Variants in AGBL4 observed in about 807,000 individuals in gnomAD.
AGBL4 encodes cytosolic carboxypeptidase 6.
AGBL4 carries 58 observed loss-of-function variants against 66.4 expected under a neutral mutation model. That is an observed-to-expected ratio of 0.87 (90% CI 0.71 to 1.09). AGBL4 has a LOEUF of 1.09. Among genes scored for constraint, AGBL4 ranks in the 50% least tolerant of loss-of-function variants. The probability of loss-of-function intolerance (pLI) is 0.00; values close to 1 mark genes in which losing one functional copy is unlikely to be tolerated. For missense variants in AGBL4, 579 were observed against 631.0 expected (o/e 0.92, Z 0.88); for synonymous variants, 234 against 222.9 (o/e 1.05, Z -0.44).
intron 5 of AGBL4, among the ~76,000 whole-genome samples, chr1:49,034,238 A>T (rs1429323491): frequency 6.6e-6 from 1 of 152,130 alleles, no homozygotes; most frequent in Non-Finnish European, 1.5e-5. Context: ...TATCTTGTTT[A>T]TTTCTAAATC....
At chr1:49,383,102 G>A (rs997807617) in intron 3 of AGBL4, among the ~76,000 whole-genome samples, 1 of 152,110 alleles carries the variant, frequency 6.6e-6, no homozygotes, top group Non-Finnish European at 1.5e-5. Flanking sequence ...AGAGGCAAAA[G>A]ATGTGTATAC....
At chr1:49,536,467 C>T (rs576045243) in intron 3 of AGBL4, among the ~76,000 whole-genome samples, 48 of 152,040 alleles carry the variant, frequency 3.2e-4, no homozygotes, top group Non-Finnish European at 4.4e-4. Flanking sequence ...AAATTAGTAA[C>T]ATTAGCTTTA....
intron 4 of AGBL4, among the ~76,000 whole-genome samples, chr1:49,109,343 G>A (rs1645360896): frequency 6.6e-6 from 1 of 152,252 alleles, no homozygotes; most frequent in East Asian, 1.9e-4. Flanking sequence ...GGCTGTTAGG[G>A]CTCTTCTCAC....
intron 6 of AGBL4, among the ~76,000 whole-genome samples, chr1:48,865,555 T>C (rs929888512): frequency 5.3e-5 from 8 of 151,492 alleles, no homozygotes; most frequent in Admixed American, 1.3e-4. Flanking sequence ...GCAGTGCTGA[T>C]TTTTTTTTCA....
At chr1:49,265,749 T>C (rs1457264267) in intron 3 of AGBL4, among the ~76,000 whole-genome samples, 1 of 152,160 alleles carries the variant, frequency 6.6e-6, no homozygotes, top group Non-Finnish European at 1.5e-5. Flanking sequence ...CATGAACCTA[T>C]ACAACTATAT....
At chr1:49,962,668 GT>G (rs1392259648) in intron 1 of AGBL4, among the ~76,000 whole-genome samples, 7 of 152,100 alleles carry the variant, frequency 4.6e-5, no homozygotes, top group Non-Finnish European at 8.8e-5. Flanking sequence ...AAGACAAATA[GT>G]TTTTGCCTCA....
At chr1:49,682,222 A>C (rs1646708628) in intron 3 of AGBL4, among the ~76,000 whole-genome samples, 1 of 152,156 alleles carries the variant, frequency 6.6e-6, no homozygotes, top group African/African-American at 2.4e-5. Flanking sequence ...CCTGGCCAAC[A>C]TGGTGAAACC....
intron 3 of AGBL4, among the ~76,000 whole-genome samples, chr1:49,402,359 T>C (rs1286815012): frequency 6.6e-6 from 1 of 152,186 alleles, no homozygotes; most frequent in Non-Finnish European, 1.5e-5. Flanking sequence ...ATCCCCTAAG[T>C]TTTGGTATAC....
intron 6 of AGBL4, among the ~76,000 whole-genome samples, chr1:48,738,967 ACAAT>A (rs1269560817): frequency 6.6e-6 from 1 of 152,244 alleles, no homozygotes; most frequent in African/African-American, 2.4e-5. Context: ...CCTAAGGTAC[ACAAT>A]CAGTCAATTT....
intron 4 of AGBL4, among the ~76,000 whole-genome samples, chr1:49,107,970 A>C (rs1645331367): frequency 6.6e-6 from 1 of 152,126 alleles, no homozygotes; most frequent in African/African-American, 2.4e-5. Context: ...TTTTACTTGA[A>C]TCTTTGACAA....
intron 6 of AGBL4, among the ~76,000 whole-genome samples, chr1:48,666,283 C>T (rs1557865146): frequency 6.6e-6 from 1 of 152,076 alleles, no homozygotes; most frequent in Non-Finnish European, 1.5e-5. Context: ...TAAACATATT[C>T]TTGGTGGAGG....
In AGBL4 at chr1:48,990,915, C is replaced by T. The variant is rs953480524; in HGVS notation, c.594+54669G>A. ...CCCACTTTTTTGTTTCTATTTATATCTTATTATATATGTCTTGAAAAGTTG... is the reference window on the plus strand; with the variant it reads ...CCCACTTTTTTGTTTCTATTTATATTTTATTATATATGTCTTGAAAAGTTG... On this transcript the variant is annotated intron_variant, in intron 5 of 13. Transcript: ENST00000371839. Among the ~76,000 whole-genome samples, 3 of 152,136 alleles carry T rather than the reference C, an allele frequency of 2.0e-5. No homozygotes were observed. In the East Asian group the frequency reaches 5.8e-4, roughly 29 times the overall value.
chr1:49,120,992 C>T (rs199556513), intron 4 of AGBL4, among the ~76,000 whole-genome samples: 5 of 152,120 alleles, frequency 3.3e-5, no homozygotes, highest in Non-Finnish European at 5.9e-5. Flanking sequence ...TCCACTTGAT[C>T]GAATGGGCTA....
Position 48,834,462 on chromosome 1 carries a change from T to C in AGBL4, c.634+32729A>G, listed in dbSNP as rs182783351. Among the ~76,000 whole-genome samples, 40 of 152,176 alleles carry C rather than the reference T, an allele frequency of 2.6e-4. 1 individual carries two copies. In the East Asian group the frequency reaches 5.0e-3, roughly 19 times the overall value. ...TTTGAAGCCCTAACTTTCAATATGATAGTATGTGGAGGTAAGGCCTTTGGG... is the reference window on the plus strand; with the variant it reads ...TTTGAAGCCCTAACTTTCAATATGACAGTATGTGGAGGTAAGGCCTTTGGG... On this transcript the variant is annotated intron_variant, in intron 6 of 13. Coordinates refer to ENST00000371839, the MANE Select transcript of AGBL4 (RefSeq NM_032785.4).
chr1:49,611,643 C>G (rs1645157494), intron 3 of AGBL4, among the ~76,000 whole-genome samples: 1 of 152,112 alleles, frequency 6.6e-6, no homozygotes, highest in African/African-American at 2.4e-5. Flanking sequence ...TCCCAAAGTA[C>G]TGGGATTACA....
At chr1:50,010,327 T>C (rs1661437905) in intron 1 of AGBL4, among the ~76,000 whole-genome samples, 1 of 151,840 alleles carries the variant, frequency 6.6e-6, no homozygotes, top group Non-Finnish European at 1.5e-5. Flanking sequence ...AAATTCAACA[T>C]TCATGGATTG....
At chr1:49,382,565 G>GTGAAAGCCTGAAAGC (rs1283430419) in intron 3 of AGBL4, among the ~76,000 whole-genome samples, 7 of 151,958 alleles carry the variant, frequency 4.6e-5, no homozygotes, top group African/African-American at 1.7e-4. Flanking sequence ...ATTCTCAATA[G>GTGAAAGCCTGAAAGC]TGAAAGCCTG....
chr1:48,666,568 C>G (rs1010245043), intron 6 of AGBL4, among the ~76,000 whole-genome samples: 1 of 152,212 alleles, frequency 6.6e-6, no homozygotes, highest in Admixed American at 6.5e-5. Context: ...CACTATAACC[C>G]TCTATCATCT....
chr1:49,184,847 T>C (rs1038430250), intron 4 of AGBL4, among the ~76,000 whole-genome samples: 1 of 152,158 alleles, frequency 6.6e-6, no homozygotes, highest in Non-Finnish European at 1.5e-5. Flanking sequence ...AATGTCCTCA[T>C]ATGAAAGATA....
Sources: allele counts gnomAD v4.1 joint callset (sites outside exome capture counted in the v4.1 genomes callset), GRCh38; gene constraint gnomAD v4.1.1; transcripts MANE v1.5; gene names NCBI Gene and HGNC (gene_info 2026-07-23, HGNC 2026-07-21).